Variants in HPGDS observed in about 807,000 individuals in gnomAD.
HPGDS encodes the protein hematopoietic prostaglandin D synthase, also known as GST class-sigma.
A neutral mutation model predicts 23.1 loss-of-function variants in HPGDS; 26 were observed. That is an observed-to-expected ratio of 1.13 (90% CI 0.83 to 1.56). The LOEUF (loss-of-function observed/expected upper bound fraction) is 1.56, where lower values mean the gene tolerates loss of function less well. Among genes scored for constraint, HPGDS ranks in the 40% most tolerant of loss-of-function variants. The probability of loss-of-function intolerance (pLI) is 0.00; values close to 1 mark genes in which losing one functional copy is unlikely to be tolerated. For synonymous variants in HPGDS, 95 were observed against 77.9 expected, an observed-to-expected ratio of 1.22 and a Z score of -1.16; for missense variants, 268 against 236.4, an observed-to-expected ratio of 1.13 and a Z score of -0.88.
chr4:94,304,589 C>T (rs1354807881), intron 4 of HPGDS, among the ~76,000 whole-genome samples: 1 of 152,022 alleles, frequency 6.6e-6, no homozygotes, highest in Non-Finnish European at 1.5e-5. Flanking sequence ...TAGCCCACTA[C>T]CAACAGTCTA....
chr4:94,340,311 C>CTTTCTTTTTTTTTTTTTTTTTTT, intron 1 of HPGDS, among the ~76,000 whole-genome samples: 1 of 23,678 alleles, frequency 4.2e-5, no homozygotes, highest in African/African-American at 1.5e-4. Context: ...CTTTCTTTCT[C>CTTTCTTTTTTTTTTTTTTTTTTT]TTTTTTTTTT....
chr4:94,311,955 G>A (rs188908396), intron 3 of HPGDS, among the ~76,000 whole-genome samples: 7 of 152,080 alleles, frequency 4.6e-5, no homozygotes, highest in African/African-American at 1.7e-4. Context: ...TCTGATGGTA[G>A]TTTGTATTTC....
intron 2 of HPGDS, among the ~76,000 whole-genome samples, chr4:94,329,629 G>A (rs1389576224): frequency 6.6e-6 from 1 of 152,174 alleles, no homozygotes; most frequent in African/African-American, 2.4e-5. Context: ...GGCAGATGAA[G>A]AATAATTTTG....
At chr4:94,341,605 C>T (rs1424838572) in intron 1 of HPGDS, among the ~76,000 whole-genome samples, 3 of 152,166 alleles carry the variant, frequency 2.0e-5, no homozygotes, top group South Asian at 2.1e-4. Context: ...CTCTTAAATA[C>T]GACACATCAA....
intron 2 of HPGDS, among the ~76,000 whole-genome samples, chr4:94,320,084 C>T (rs1450112015): frequency 2.0e-5 from 3 of 152,190 alleles, no homozygotes; most frequent in African/African-American, 7.2e-5. Flanking sequence ...CTACAAAGGA[C>T]ATGAACTCAT....
chr4:94,324,159 G>A (rs1166242568), intron 2 of HPGDS, among the ~76,000 whole-genome samples: 3 of 152,174 alleles, frequency 2.0e-5, no homozygotes, highest in Admixed American at 2.0e-4. Flanking sequence ...CCCTTTGTGG[G>A]TAACCTGACC....
At chr4:94,320,304 A>G (rs900202886) in intron 2 of HPGDS, among the ~76,000 whole-genome samples, 7 of 152,144 alleles carry the variant, frequency 4.6e-5, no homozygotes, top group Non-Finnish European at 1.0e-4. Flanking sequence ...GTCAAATGGT[A>G]TTTCTATATC....
At position 94,335,179 on chromosome 4, in the gene HPGDS, A is replaced by C. The variant is rs116369241; in HGVS notation, c.-9-541T>G. On this transcript the variant is annotated intron_variant, in intron 1 of 5. Transcript: ENST00000295256. ...CTTTCCCTCTAGGCATCCAAGGCCT[A>C]GGGAAACACTGCTCTCTGGTTCCCT... 9.6e-3 allele frequency among the ~76,000 whole-genome samples: 1,461 copies of C among 152,250 alleles called. 20 individuals carry two copies. Among genetic ancestry groups the C allele is most frequent in the African/African-American group, 0.034 (1,394 of 41,542 alleles).
intron 2 of HPGDS, among the ~76,000 whole-genome samples, chr4:94,326,772 T>C (rs1306681266): frequency 1.3e-5 from 2 of 152,186 alleles, no homozygotes; most frequent in Non-Finnish European, 2.9e-5. Flanking sequence ...GTTTCCTTGC[T>C]TTTTCATATT....
chr4:94,340,309 CTCTTTTTTTTTTTTTTTTTT>C (rs1721124185), intron 1 of HPGDS, among the ~76,000 whole-genome samples: 28 of 28,764 alleles, frequency 9.7e-4, no homozygotes, highest in Admixed American at 2.7e-3. Context: ...TTCTTTCTTT[CTCTTTTTTTTTTTTTTTTTT>C]TTTTTTTTTT....
chr4:94,299,785 G>T, intron 5 of HPGDS, 141 bp from the exon 6 acceptor site: 1 of 768,612 alleles, frequency 1.3e-6, no homozygotes. Context: ...TATGATAGAA[G>T]TTCAGAAAAT....
chr4:94,337,862 C>T (rs1721056534), intron 1 of HPGDS, among the ~76,000 whole-genome samples: 1 of 152,162 alleles, frequency 6.6e-6, no homozygotes, highest in African/African-American at 2.4e-5. Flanking sequence ...GTAAAGAAGA[C>T]ATTTAAAAAT....
At chr4:94,323,226 G>T (rs543509828) in intron 2 of HPGDS, among the ~76,000 whole-genome samples, 37 of 152,200 alleles carry the variant, frequency 2.4e-4, no homozygotes, top group Non-Finnish European at 4.9e-4. Flanking sequence ...GTGCTGAGAA[G>T]AATGTATATT....
chr4:94,316,156 G>A (rs971782623), intron 3 of HPGDS, among the ~76,000 whole-genome samples: 13 of 152,184 alleles, frequency 8.5e-5, no homozygotes, highest in African/African-American at 2.9e-4. Flanking sequence ...TGGTCAACTG[G>A]AGAAGGCAGA....
intron 2 of HPGDS, among the ~76,000 whole-genome samples, chr4:94,319,436 G>T (rs1756460125): frequency 1.3e-5 from 2 of 152,152 alleles, no homozygotes; most frequent in African/African-American, 2.4e-5. Context: ...ATTGTAGGCA[G>T]CAGATAGTTG....
intron 2 of HPGDS, among the ~76,000 whole-genome samples, chr4:94,331,800 G>A (rs1207200774): frequency 1.3e-5 from 2 of 152,094 alleles, no homozygotes; most frequent in Non-Finnish European, 2.9e-5. Context: ...CTTATTCTAG[G>A]GACGAGAAGG....
intron 3 of HPGDS, among the ~76,000 whole-genome samples, chr4:94,313,182 G>C (rs1756316323): frequency 6.6e-6 from 1 of 152,178 alleles, no homozygotes; most frequent in Non-Finnish European, 1.5e-5. Flanking sequence ...CTGTCATTAT[G>C]ATGTTAGCTG....
intron 2 of HPGDS, among the ~76,000 whole-genome samples, chr4:94,325,063 C>A (rs778292736): frequency 1.3e-5 from 2 of 152,234 alleles, no homozygotes; most frequent in Non-Finnish European, 1.5e-5. Context: ...CACTCCAGAC[C>A]CTGTTTGCCA....
At chr4:94,335,290 A>C (rs1449644168) in intron 1 of HPGDS, among the ~76,000 whole-genome samples, 1 of 152,304 alleles carries the variant, frequency 6.6e-6, no homozygotes, top group East Asian at 1.9e-4. Context: ...GAGATGGGGC[A>C]ATCTTCCTTC....
Sources: gnomAD v4.1 joint callset for allele counts (sites outside exome capture counted in the v4.1 genomes callset) on GRCh38, gnomAD v4.1.1 for gene constraint, MANE v1.5 for transcripts, NCBI Gene and HGNC (gene_info 2026-07-23, HGNC 2026-07-21) for gene names.